The following FUS variants were observed in gnomAD, a reference collection of about 807,000 sequenced individuals.
FUS encodes the protein RNA-binding protein FUS.
In FUS, 5 loss-of-function variants were observed where a neutral mutation model predicts 82.7. The ratio of observed to expected loss-of-function variants is 0.06; its 90% CI spans 0.03 to 0.13. The LOEUF (loss-of-function observed/expected upper bound fraction) is 0.13, where lower values mean the gene tolerates loss of function less well. Ranked by LOEUF, FUS falls within the 10% of genes least tolerant of loss-of-function variation. FUS has a pLI of 1.00. For missense variants in FUS, 512 were observed against 707.8 expected, an observed-to-expected ratio of 0.72 and a Z score of 3.14; for synonymous variants, 281 against 247.4, an observed-to-expected ratio of 1.14 and a Z score of -1.27.
At chr16:31,192,578 A>G, downstream of FUS, 1 of 490,410 alleles carries the variant, frequency 2.0e-6, no homozygotes, top group Non-Finnish European at 4.0e-6. Context: ...TTTTATTTTT[A>G]GAGACAGAGT....
At chr16:31,191,984 A>C, downstream of FUS, 2 of 533,216 alleles carry the variant, frequency 3.8e-6, no homozygotes, top group Non-Finnish European at 7.3e-6. Flanking sequence ...TAAATGGGGC[A>C]GTATTCAGAT....
chr16:31,191,774 G>C, downstream of FUS: 1 of 599,868 alleles, frequency 1.7e-6, no homozygotes, highest in Non-Finnish European at 3.1e-6. Context: ...TTCTGTCATG[G>C]GGAAAGTTGG....
intron 7 of FUS, 176 bp from the exon 8 acceptor site, chr16:31,188,147 CCT>C: frequency 1.5e-6 from 1 of 650,324 alleles, no homozygotes; most frequent in African/African-American, 1.8e-5. Context: ...AGAATTTTCT[CCT>C]CTGGGCAGGC....
intron 10 of FUS, 85 bp downstream of exon 10, chr16:31,189,879 T>G (rs1211838872): frequency 6.2e-7 from 1 of 1,608,992 alleles, no homozygotes; most frequent in South Asian, 1.1e-5. Context: ...GAGGGTTCTT[T>G]TGAGTCTTCC....
At chr16:31,192,554 C>G (rs2079375684), downstream of FUS, 2 of 503,852 alleles carry the variant, frequency 4.0e-6, no homozygotes, top group Non-Finnish European at 3.9e-6. Context: ...GTGCTTTCCT[C>G]TCAAATTTTT....
chr16:31,189,411 A>G (rs1367537194), intron 9 of FUS, among the ~76,000 whole-genome samples, 185 bp downstream of exon 9: 1 of 152,236 alleles, frequency 6.6e-6, no homozygotes, highest in Non-Finnish European at 1.5e-5. Flanking sequence ...CTATCTTAAC[A>G]CAAAAAGTAT....
chr16:31,194,685 T>C (rs1317823412), downstream of FUS: 1 of 487,154 alleles, frequency 2.1e-6, no homozygotes, highest in Non-Finnish European at 4.1e-6. Context: ...CATTGTGGAA[T>C]CAAATCAGGC....
rs752076094 is a variant in FUS, at chr16:31,185,175, A to G, written c.760A>G (p.Met254Val). The G allele has an allele frequency of 1.4e-5, 22 of 1,608,436 alleles. No individual in the cohort carries two copies. Among genetic ancestry groups the G allele is most frequent in the South Asian group, 4.4e-5 (4 of 90,414 alleles). Residue 254 changes from methionine (M) to valine (V), a missense_variant, in exon 6 of 15, where the codon ATG becomes GTG. Met to Val is a conservative substitution (Grantham distance 21, BLOSUM62 1). Coordinates refer to ENST00000254108, the MANE Select transcript of FUS (RefSeq NM_004960.4). ...AGGTGGCCGTGGAGGCAGAGGTGGC[A>G]TGGGGTAGGTGTCTCATGAGCCAGG... ...RGGGRGGRGG[M>V]GGSDRGGFNK...
chr16:31,194,256 C>CT (rs368576797), downstream of FUS: 1 of 530,588 alleles, frequency 1.9e-6, no homozygotes, highest in African/African-American at 1.9e-5. Context: ...ACTGATCTAC[C>CT]TTTAGGCATG....
At chr16:31,182,792 C>T (rs1413599942) in intron 3 of FUS, 128 bp downstream of exon 3, 3 of 1,149,068 alleles carry the variant, frequency 2.6e-6, no homozygotes, top group Non-Finnish European at 3.9e-6. Flanking sequence ...TCTCAGCTCA[C>T]TGCAACATCA....
chr16:31,192,558 AATTTTTATTTTTT>A (rs542601973), downstream of FUS: 2,706 of 502,378 alleles, frequency 5.4e-3, 55 homozygotes, highest in African/African-American at 0.047. Flanking sequence ...TTTCCTCTCA[AATTTTTATTTTTT>A]ATTTTTAGAG....
At chr16:31,180,669 T>C (rs935834028) in intron 1 of FUS, among the ~76,000 whole-genome samples, 2 of 152,082 alleles carry the variant, frequency 1.3e-5, no homozygotes, top group Non-Finnish European at 1.5e-5. Flanking sequence ...CCGCCTCGTG[T>C]TGGTTCAGCT....
chr16:31,190,329 GAGGATTTCC>G lies in FUS; in HGVS notation c.1224_1232del (p.Gly409_Pro411del). ...GGTGGCAGTGGTGGTGGTGGCCGAG[GAGGATTTCC>G]CAGTGGAGGTGGTGGCGGTGGAGGA... On this transcript the variant is annotated inframe_deletion, in exon 12 of 15. Coordinates refer to ENST00000254108, the MANE Select transcript of FUS (RefSeq NM_004960.4). The G allele has an allele frequency of 6.2e-7, 1 of 1,614,190 alleles. No homozygotes were observed. Among genetic ancestry groups the G allele is most frequent in the Non-Finnish European group, 8.5e-7 (1 of 1,180,032 alleles).
At chr16:31,190,594 T>G (rs2079339821) in intron 12 of FUS, 148 bp from the exon 13 acceptor site, 3 of 1,160,854 alleles carry the variant, frequency 2.6e-6, no homozygotes, top group Non-Finnish European at 3.9e-6. Flanking sequence ...ATACTGATTT[T>G]TGTTCCTGAC....
chr16:31,193,964 C>G (rs1185201448), downstream of FUS: 1 of 531,566 alleles, frequency 1.9e-6, no homozygotes, highest in African/African-American at 1.9e-5. Context: ...TCTATTCTTA[C>G]TGAATGATTG....
In FUS at chr16:31,189,838, G is replaced by C. The variant is rs768630899; in HGVS notation, c.1066+44G>C. The stretch of plus-strand genomic sequence containing the variant: ...GCAGAGGTGGGGCTGGGGATATAGG[G>C]CAGCAAGCCTTAGGAAACAAGCCAT... On this transcript the variant is annotated intron_variant, in intron 10 of 14. Coordinates refer to ENST00000254108, the MANE Select transcript of FUS (RefSeq NM_004960.4). 50 of 1,612,928 alleles carry C rather than the reference G, an allele frequency of 3.1e-5. 1 individual carries two copies. Among genetic ancestry groups the C allele is most frequent in the Non-Finnish European group, 4.2e-5 (49 of 1,179,912 alleles).
At chr16:31,180,856 G>A (rs1567468091) in intron 1 of FUS, among the ~76,000 whole-genome samples, 1 of 152,152 alleles carries the variant, frequency 6.6e-6, no homozygotes, top group Non-Finnish European at 1.5e-5. Context: ...TGGCGGCGGT[G>A]GTCAGGGTTC....
At position 31,184,248 on chromosome 16, in the gene FUS, C is replaced by G. The variant is rs368148475; in HGVS notation, c.375C>G (p.Pro125=). Residue 125 remains proline, a synonymous_variant, in exon 5 of 15, where the codon CCC becomes CCG. Transcript: ENST00000254108. ...CTCAGAGCAGCAGCTATGGGCAGCC[C>G]CAGAGTGGGAGCTACAGCCAGCAGC... is the stretch of plus-strand genomic sequence containing the variant. ...SSSQSSSYGQ[P]QSGSYSQQPS... 35 of 1,613,932 alleles carry G rather than the reference C, an allele frequency of 2.2e-5. No individual in the cohort carries two copies. Among genetic ancestry groups the G allele is most frequent in the Non-Finnish European group, 3.0e-5 (35 of 1,179,998 alleles).
Position 31,190,415 on chromosome 16 carries a change from T to A in FUS, c.1292+17T>A, listed in dbSNP as rs759773681. ...TCCTAATCCGTGAGTGAAACTTAATTTTTTTCTTAGTTCTCTTGCATGCGT... is the reference window on the plus strand; with the variant it reads ...TCCTAATCCGTGAGTGAAACTTAATATTTTTCTTAGTTCTCTTGCATGCGT... On this transcript the variant is annotated intron_variant, in intron 12 of 14. Transcript: ENST00000254108. 15 of 1,614,098 alleles carry A rather than the reference T, an allele frequency of 9.3e-6. No homozygotes were observed. In the East Asian group the frequency reaches 3.1e-4, roughly 34 times the overall value.
Sources: gnomAD v4.1 joint callset for allele counts (sites outside exome capture counted in the v4.1 genomes callset) on GRCh38, gnomAD v4.1.1 for gene constraint, MANE v1.5 for transcripts, NCBI Gene and HGNC (gene_info 2026-07-23, HGNC 2026-07-21) for gene names.